The following GRIA4 variants were observed in gnomAD, a reference collection of about 807,000 sequenced individuals.
The protein encoded by GRIA4 is glutamate ionotropic receptor AMPA type subunit 4.
A neutral mutation model predicts 104.0 loss-of-function variants in GRIA4; 34 were observed. That is an observed-to-expected ratio of 0.33 (90% CI 0.25 to 0.44). The LOEUF (loss-of-function observed/expected upper bound fraction) is 0.44, where lower values mean the gene tolerates loss of function less well. Among genes scored for constraint, GRIA4 ranks in the 20% least tolerant of loss-of-function variants. The pLI, the probability that GRIA4 is intolerant of heterozygous loss-of-function variation, is 1.00. For missense variants in GRIA4, 750 were observed against 1,096.5 expected (o/e 0.68, Z 4.46); for synonymous variants, 386 against 381.9 (o/e 1.01, Z -0.13).
intron 3 of GRIA4, among the ~76,000 whole-genome samples, chr11:105,746,145 A>T (rs979499789): frequency 6.6e-6 from 1 of 151,958 alleles, no homozygotes; most frequent in African/African-American, 2.4e-5. Context: ...TGTGTATTGT[A>T]GGTAGGAAAA....
intron 3 of GRIA4, among the ~76,000 whole-genome samples, chr11:105,728,110 G>A (rs2135596497): frequency 6.6e-6 from 1 of 152,300 alleles, no homozygotes; most frequent in Non-Finnish European, 1.5e-5. Flanking sequence ...ACCTATCAGT[G>A]TGCTGTATTC....
chr11:105,862,180 TAG>T lies in GRIA4; in HGVS notation c.650_651del (p.Arg217ThrfsTer16). On this transcript the variant is annotated frameshift_variant, in exon 5 of 17. Coordinates refer to ENST00000282499, the MANE Select transcript of GRIA4 (RefSeq NM_000829.4). LOFTEE classifies it high-confidence loss of function. ...AAGAAGTTTGTAATAGACTGTGAGA[TAG>T]AGAGACTTCAAAACATATTAGAACA... 1 of 1,598,670 alleles carries T rather than the reference TAG, an allele frequency of 6.3e-7. No homozygotes were observed. Among genetic ancestry groups the T allele is most frequent in the Non-Finnish European group, 8.6e-7 (1 of 1,166,056 alleles).
At chr11:105,791,673 T>C (rs1423134843) in intron 4 of GRIA4, among the ~76,000 whole-genome samples, 1 of 152,168 alleles carries the variant, frequency 6.6e-6, no homozygotes, top group Non-Finnish European at 1.5e-5. Flanking sequence ...AGTGATTCTT[T>C]CAACTGTTCA....
chr11:105,968,658 A>C (rs761078959), intron 14 of GRIA4, among the ~76,000 whole-genome samples: 4 of 152,240 alleles, frequency 2.6e-5, no homozygotes, highest in Non-Finnish European at 5.9e-5. Flanking sequence ...CTTCATTTGA[A>C]AACTTGATCC....
chr11:105,972,827 C>T (rs1365036566), intron 15 of GRIA4, among the ~76,000 whole-genome samples: 1 of 152,102 alleles, frequency 6.6e-6, no homozygotes, highest in Non-Finnish European at 1.5e-5. Context: ...ACCTGAAAGC[C>T]AGAGCTGAAG....
intron 3 of GRIA4, among the ~76,000 whole-genome samples, chr11:105,750,738 A>G (rs1364851898): frequency 6.6e-6 from 1 of 152,152 alleles, no homozygotes; most frequent in Non-Finnish European, 1.5e-5. Context: ...GCAGTGTAGT[A>G]CACTTTGGAC....
chr11:105,932,007 T>TG (rs1947890816), intron 13 of GRIA4, among the ~76,000 whole-genome samples: 1 of 151,902 alleles, frequency 6.6e-6, no homozygotes, highest in Admixed American at 6.6e-5. Context: ...TACTCAGCAC[T>TG]GAGCCTCACA....
intron 4 of GRIA4, among the ~76,000 whole-genome samples, chr11:105,790,718 A>C (rs538219559): frequency 6.6e-6 from 1 of 152,338 alleles, no homozygotes; most frequent in South Asian, 2.1e-4. Flanking sequence ...ACATAGAATT[A>C]TCATGGTACT....
In GRIA4 at chr11:105,673,312, G is replaced by A. The variant is rs550996913; in HGVS notation, c.247+60878G>A. 5.9e-5 allele frequency among the ~76,000 whole-genome samples: 9 copies of A among 152,122 alleles called. No individual in the cohort carries two copies. In the East Asian group the frequency reaches 1.4e-3, roughly 23 times the overall value. ...CGCTGTCCTCGGTGCTGAAACCATG[G>A]ATTTGACTAAGTGCCTGACTTGGCT... is the stretch of plus-strand genomic sequence containing the variant. On this transcript the variant is annotated intron_variant, in intron 3 of 16. Coordinates refer to ENST00000282499, the MANE Select transcript of GRIA4 (RefSeq NM_000829.4).
chr11:105,669,387 G>A (rs1268790112), intron 3 of GRIA4, among the ~76,000 whole-genome samples: 1 of 117,682 alleles, frequency 8.5e-6, no homozygotes, highest in Non-Finnish European at 1.9e-5. Context: ...CATATATCAT[G>A]TCATATATAT....
At chr11:105,760,847 T>G (rs973203052) in intron 4 of GRIA4, among the ~76,000 whole-genome samples, 2 of 152,110 alleles carry the variant, frequency 1.3e-5, no homozygotes, top group Admixed American at 1.3e-4. Flanking sequence ...TGAAACCCTT[T>G]GGGATTTTTT....
In GRIA4 at chr11:105,611,149, A is replaced by G. The variant is rs537606217; in HGVS notation, c.88+64A>G. 4.3e-6 allele frequency: 5 copies of G among 1,150,054 alleles called. No homozygotes were observed. In the African/African-American group the frequency reaches 7.6e-5, roughly 17 times the overall value. The allele number at this position is 1,150,054 out of a possible 1,614,324, so 71.2% of individuals were successfully genotyped here. On this transcript the variant is annotated intron_variant, in intron 2 of 16. Transcript: ENST00000282499. ...GTAGCAGATATCCGAAAGTGAGTTA[A>G]ATGAGTTGCTGATAAGCAATTCAGG...
At chr11:105,919,016 T>C in intron 11 of GRIA4, 98 bp downstream of exon 11, 1 of 733,182 alleles carries the variant, frequency 1.4e-6, no homozygotes. Flanking sequence ...TATTGTTTAA[T>C]TTGCAGCAAC....
At chr11:105,960,687 A>G (rs931365622) in intron 14 of GRIA4, among the ~76,000 whole-genome samples, 1 of 152,218 alleles carries the variant, frequency 6.6e-6, no homozygotes, top group Non-Finnish European at 1.5e-5. Context: ...CGTAGGTTCA[A>G]GCAGATTCCA....
chr11:105,849,422 C>T (rs1944718266), intron 4 of GRIA4, among the ~76,000 whole-genome samples: 1 of 152,126 alleles, frequency 6.6e-6, no homozygotes, highest in Non-Finnish European at 1.5e-5. Flanking sequence ...CTAGTGTAAC[C>T]TCTGAGTGGC....
intron 4 of GRIA4, among the ~76,000 whole-genome samples, chr11:105,851,656 C>T (rs1473418995): frequency 2.0e-5 from 3 of 152,168 alleles, no homozygotes; most frequent in Admixed American, 6.5e-5. Context: ...CATTGCATTC[C>T]GTTAAAGGCA....
At position 105,753,217 on chromosome 11, in the gene GRIA4, A is replaced by G; in HGVS notation, c.484A>G (p.Arg162Gly). ...TTTTGTCTTCCTGTATGACACAGACAGGGGTAAGTCCAGTTTCTTCATCTA... is the reference window on the plus strand; with the variant it reads ...TTTTGTCTTCCTGTATGACACAGACGGGGGTAAGTCCAGTTTCTTCATCTA... ...NCFVFLYDTDRGYSILQAIME... is the reference protein window; with the variant it reads ...NCFVFLYDTDGGYSILQAIME... The change falls in exon 4 of 17, where the codon AGG (arginine) becomes GGG (glycine). Residue 162 changes from arginine (R) to glycine (G), a missense_variant. Around this residue, in one of 3 missense-constraint regions of GRIA4, gnomAD observed 410 missense variants for 502.7 expected, o/e 0.82. Coordinates refer to ENST00000282499, the MANE Select transcript of GRIA4 (RefSeq NM_000829.4). The G allele has an allele frequency of 6.2e-6, 10 of 1,613,628 alleles. No homozygotes were observed. The highest frequency in any genetic ancestry group is 8.5e-6 in the Non-Finnish European group (10 of 1,179,608).
chr11:105,709,675 A>T (rs899996419), intron 3 of GRIA4, among the ~76,000 whole-genome samples: 3 of 152,066 alleles, frequency 2.0e-5, no homozygotes, highest in Admixed American at 2.0e-4. Context: ...ACATGCAAAA[A>T]CATGAGACAC....
chr11:105,749,088 C>T (rs1939843724), intron 3 of GRIA4, among the ~76,000 whole-genome samples: 1 of 152,024 alleles, frequency 6.6e-6, no homozygotes, highest in Admixed American at 6.6e-5. Flanking sequence ...TAAGAAACGC[C>T]AAGAGAGAGC....
Sources: gnomAD v4.1 joint callset for allele counts (sites outside exome capture counted in the v4.1 genomes callset) on GRCh38, gnomAD v4.1.1 for gene constraint, gnomAD v4.1.1 regional missense constraint, MANE v1.5 for transcripts, NCBI Gene and HGNC (gene_info 2026-07-23, HGNC 2026-07-21) for gene names.